PUS1: variants seen among roughly 807,000 people sequenced by gnomAD.
The protein encoded by PUS1 is pseudouridylate synthase 1 homolog.
In PUS1, 25 loss-of-function variants were observed where a neutral mutation model predicts 38.5. That is an observed-to-expected ratio of 0.65 (90% CI 0.47 to 0.91). The LOEUF is 0.91. Ranked by LOEUF, PUS1 falls within the 40% of genes least tolerant of loss-of-function variation. The probability of loss-of-function intolerance (pLI) is 0.00; values close to 1 mark genes in which losing one functional copy is unlikely to be tolerated. For synonymous variants in PUS1, 282 were observed against 260.4 expected, an observed-to-expected ratio of 1.08 and a Z score of -0.80; for missense variants, 597 against 612.3, an observed-to-expected ratio of 0.97 and a Z score of 0.26.
At chr12:131,942,519 G>A (rs942909890) in intron 5 of PUS1, among the ~76,000 whole-genome samples, 2 of 152,070 alleles carry the variant, frequency 1.3e-5, no homozygotes, top group African/African-American at 4.8e-5. Context: ...CCATTCTCCT[G>A]CCTCAGCCTC....
In PUS1 at chr12:131,941,843, G is replaced by A. The variant is rs148218985; in HGVS notation, c.1096G>A (p.Ala366Thr). 45 of 1,613,916 alleles carry A rather than the reference G, an allele frequency of 2.8e-5. No individual in the cohort carries two copies. Among genetic ancestry groups the A allele is most frequent in the South Asian group, 2.2e-5 (2 of 91,088 alleles). ...CTGGGCGCAGGAGGAAGGAAAGGTC[G>A]CAGCCTTCAAGGAGGAGCACATCTA... ...LDWAQEEGKV[A>T]AFKEEHIYPT... is the part of the protein sequence containing the mutation. The change falls in exon 5 of 6, where the codon GCA becomes ACA. Residue 366 changes from alanine (A) to threonine (T), a missense_variant. By Grantham distance (58) the Ala-to-Thr change is moderately conservative (BLOSUM62 0). Transcript: ENST00000376649. This position sits in a 1 kb window ranked among gnomAD's most constrained non-coding sequence, Gnocchi z 4.4.
chr12:131,941,509 G>A lies in PUS1; in HGVS notation c.762G>A (p.Pro254=), dbSNP rs555462060. ...NFHNFTSQKG[P]QDPSACRYIL... is the part of the protein sequence containing the mutation. Reference sequence around the variant, plus strand: ...ACAATTTCACCTCGCAGAAGGGGCCGCAGGATCCCAGTGCCTGCCGCTACA... The same window carrying A: ...ACAATTTCACCTCGCAGAAGGGGCCACAGGATCCCAGTGCCTGCCGCTACA... Residue 254 remains proline (P), a synonymous_variant, in exon 5 of 6, where the codon CCG becomes CCA. Transcript: ENST00000376649. This position sits in a 1 kb window ranked among gnomAD's most constrained non-coding sequence, Gnocchi z 4.4. 32 of 1,614,088 alleles carry A rather than the reference G, an allele frequency of 2.0e-5. No homozygotes were observed. Among genetic ancestry groups the A allele is most frequent in the South Asian group, 6.6e-5 (6 of 91,084 alleles).
At chr12:131,932,703 C>A in intron 3 of PUS1, 1 of 387,024 alleles carries the variant, frequency 2.6e-6, no homozygotes, top group Non-Finnish European at 5.0e-6. Flanking sequence ...GCAACATTCT[C>A]TTTTCTTTCC....
intron 4 of PUS1, chr12:131,940,866 C>T (rs1004695314): frequency 1.1e-5 from 2 of 184,246 alleles, no homozygotes; most frequent in Non-Finnish European, 2.3e-5. Flanking sequence ...AGCCACTGCG[C>T]CCGGCTGCTT....
intron 5 of PUS1, among the ~76,000 whole-genome samples, chr12:131,942,786 C>T (rs1891148300): frequency 6.6e-6 from 1 of 152,222 alleles, no homozygotes; most frequent in Non-Finnish European, 1.5e-5. Flanking sequence ...TTCTTCCTGT[C>T]ATCTAGATAT....
At chr12:131,937,415 C>T (rs532317615) in intron 3 of PUS1, among the ~76,000 whole-genome samples, 5 of 152,236 alleles carry the variant, frequency 3.3e-5, no homozygotes, top group Admixed American at 3.3e-4. Flanking sequence ...ACTCTTGTTG[C>T]CCAGGTTGGA....
Position 131,943,870 on chromosome 12 carries a change from G to T in PUS1, c.*284G>T. On this transcript the variant is annotated 3_prime_UTR_variant, in exon 6 of 6. Coordinates refer to ENST00000376649, the MANE Select transcript of PUS1 (RefSeq NM_025215.6). ...ATTTTGCTTAGTCAATCCTTGGTTT[G>T]CCTTTTTCTTAGTCTTTTTTAACAT... The T allele has an allele frequency of 2.3e-6, 1 of 426,426 alleles. No individual in the cohort carries two copies. Among genetic ancestry groups the T allele is most frequent in the African/African-American group, 2.0e-5 (1 of 49,414 alleles). The allele number at this position is 426,426 out of a possible 1,614,324, so 26.4% of individuals were successfully genotyped here.
intron 3 of PUS1, among the ~76,000 whole-genome samples, chr12:131,935,431 T>C (rs2136436225): frequency 6.6e-6 from 1 of 152,350 alleles, no homozygotes; most frequent in Non-Finnish European, 1.5e-5. Flanking sequence ...CTCACTTGTA[T>C]GGGGAAACCT....
At chr12:131,939,310 T>G (rs775772089) in intron 4 of PUS1, 35 bp downstream of exon 4, 9 of 1,327,282 alleles carry the variant, frequency 6.8e-6, no homozygotes, top group Non-Finnish European at 8.5e-6. Context: ...ACACACCTGG[T>G]TGTAGATGGT....
chr12:131,929,587 C>A lies in PUS1; in HGVS notation c.-136C>A. On this transcript the variant is annotated 5_prime_UTR_variant, in exon 1 of 6. Transcript: ENST00000376649. Reference sequence around the variant, plus strand: ...GAGAGGGGCTGGGGCGCCGGTTTCCCGGAGGTCAGGGGTCAGAAGGAACAG... The same window carrying A: ...GAGAGGGGCTGGGGCGCCGGTTTCCAGGAGGTCAGGGGTCAGAAGGAACAG... 1 of 729,794 alleles carries A rather than the reference C, an allele frequency of 1.4e-6. No homozygotes were observed. The highest frequency in any genetic ancestry group is 2.0e-6 in the Non-Finnish European group (1 of 488,204). 45.2% of individuals were successfully genotyped at this position (729,794 alleles called of 1,614,324 possible). A position where few individuals can be genotyped will look rare whatever the true frequency, so the allele number is the denominator to read the frequency against.
At chr12:131,933,980 C>T (rs972025903) in intron 3 of PUS1, among the ~76,000 whole-genome samples, 1 of 152,184 alleles carries the variant, frequency 6.6e-6, no homozygotes, top group Non-Finnish European at 1.5e-5. Context: ...TTGATAAGGT[C>T]ACGCGAGTGA....
At chr12:131,939,097 A>G in intron 3 of PUS1, 76 bp from the exon 4 acceptor site, 1 of 914,604 alleles carries the variant, frequency 1.1e-6, no homozygotes, top group South Asian at 1.4e-5. Context: ...AGGTCCGCGT[A>G]GTCCTTCTTT....
chr12:131,936,323 G>A (rs1012749634), intron 3 of PUS1, among the ~76,000 whole-genome samples: 1 of 152,108 alleles, frequency 6.6e-6, no homozygotes, highest in African/African-American at 2.4e-5. Context: ...AGCACTGTGG[G>A]AGGCCGAGGT....
At chr12:131,936,905 T>C in intron 3 of PUS1, among the ~76,000 whole-genome samples, 1 of 151,288 alleles carries the variant, frequency 6.6e-6, no homozygotes, top group South Asian at 2.1e-4. Context: ...GATTCCAGTA[T>C]ATTCACAGAG....
In PUS1 at chr12:131,943,567, G is replaced by A. The variant is rs780339182; in HGVS notation, c.1265G>A (p.Gly422Glu). The A allele has an allele frequency of 6.2e-7, 1 of 1,613,698 alleles. No homozygotes were observed. The highest frequency in any genetic ancestry group is 8.5e-7 in the Non-Finnish European group (1 of 1,179,782). ...CCCAGTCCCCTGGAAGGCAGTGAAG[G>A]GGACGGAGACACTGACTGAGGCGAT... ...KVPSPLEGSE[G>E]DGDTD is the part of the protein sequence containing the mutation. Residue 422 changes from glycine (G) to glutamate (E), a missense_variant, in exon 6 of 6, where the codon GGG (glycine) becomes GAG (glutamate). Gly to Glu is a moderately conservative substitution (Grantham distance 98). Transcript: ENST00000376649.
At chr12:131,934,817 C>CA (rs1405166350) in intron 3 of PUS1, 3 of 152,244 alleles carry the variant, frequency 2.0e-5, no homozygotes, top group Non-Finnish European at 4.4e-5. Context: ...CTGGCTCTGT[C>CA]ACATGGCTCT....
Position 131,930,148 on chromosome 12 carries a change from G to T in PUS1, c.303+13G>T, listed in dbSNP as rs962467566. On this transcript the variant is annotated intron_variant, in intron 2 of 5. Transcript: ENST00000376649. ...CCACGGCATGCAGGTGTGGCCGCCC[G>T]GGAAGCGGCAGGTCCCGCGGGGTTT... 2.1e-6 allele frequency: 3 copies of T among 1,415,274 alleles called. No homozygotes were observed. Among genetic ancestry groups the T allele is most frequent in the Non-Finnish European group, 2.8e-6 (3 of 1,085,818 alleles). 87.7% of individuals were successfully genotyped at this position (1,415,274 alleles called of 1,614,324 possible). A position where few individuals can be genotyped will look rare whatever the true frequency, so the allele number is the denominator to read the frequency against.
intron 3 of PUS1, chr12:131,932,954 T>A (rs969225466): frequency 1.1e-5 from 4 of 348,568 alleles, no homozygotes; most frequent in Non-Finnish European, 2.3e-5. Flanking sequence ...AGGAAACAGA[T>A]CATGGCGGCA....
chr12:131,942,437 T>G (rs552822412), intron 5 of PUS1, among the ~76,000 whole-genome samples: 6 of 152,072 alleles, frequency 3.9e-5, no homozygotes, highest in Non-Finnish European at 8.8e-5. Flanking sequence ...GACGAAGTCT[T>G]GTTCTGTCAC....
Sources: allele counts gnomAD v4.1 joint callset (sites outside exome capture counted in the v4.1 genomes callset), GRCh38; gene constraint gnomAD v4.1.1; non-coding constraint Gnocchi (gnomAD v3.1); transcripts MANE v1.5; gene names NCBI Gene and HGNC (gene_info 2026-07-23, HGNC 2026-07-21).